OTOG: variants seen among roughly 807,000 people sequenced by gnomAD.
OTOG encodes otogelin.
A neutral mutation model predicts 313.8 loss-of-function variants in OTOG; 296 were observed. That is an observed-to-expected ratio of 0.94 (90% CI 0.86 to 1.04). The LOEUF (loss-of-function observed/expected upper bound fraction) is 1.04, where lower values mean the gene tolerates loss of function less well. OTOG is among the 50% of genes least tolerant of loss of function. The pLI is 0.00. For missense variants in OTOG, 3,948 were observed against 3,840.1 expected, an observed-to-expected ratio of 1.03 and a Z score of -0.74; for synonymous variants, 1,533 against 1,554.9, an observed-to-expected ratio of 0.99 and a Z score of 0.33.
chr11:17,548,191 G>GGCTACAGTC lies in OTOG; in HGVS notation c.197_205dup (p.Ala66_Val68dup), dbSNP rs1263880306. On this transcript the variant is annotated inframe_insertion, in exon 3 of 56. Transcript: ENST00000399397. The stretch of plus-strand genomic sequence containing the variant: ...AGGCGACCCTTGCCATGGGGGACAA[G>GGCTACAGTC]GCTACAGTCGTGGGAGGCCAGGTAA... 6.5e-7 allele frequency: 1 copy of GGCTACAGTC among 1,548,396 alleles called. No homozygotes were observed.
At position 17,641,938 on chromosome 11, in the gene OTOG, C is replaced by G. The variant is rs945439921; in HGVS notation, c.8282C>G (p.Thr2761Ser). Residue 2761 changes from threonine to serine, a missense_variant, in exon 52 of 56, where the codon ACC becomes AGC. Thr to Ser is a moderately conservative substitution (Grantham distance 58). Coordinates refer to ENST00000399397, the MANE Select transcript of OTOG (RefSeq NM_001292063.2). ...CTCTTCACCTTCCCCAATGGCACCA[C>G]CTCCCTGTTCTTGGTAAGCAGCCCC... ...SCLFTFPNGT[T>S]SLFLPGASWI... The G allele has an allele frequency of 3.2e-6, 5 of 1,550,188 alleles. No individual in the cohort carries two copies. Among genetic ancestry groups the G allele is most frequent in the Admixed American group, 2.0e-5 (1 of 50,966 alleles).
rs1424850080 is a variant in OTOG at position 17,612,324 on chromosome 11, T to G, written c.6286T>G (p.Cys2096Gly). 5 of 1,532,748 alleles carry G rather than the reference T, an allele frequency of 3.3e-6. No homozygotes were observed. The highest frequency in any genetic ancestry group is 4.4e-6 in the Non-Finnish European group (5 of 1,143,540). 94.9% of individuals were successfully genotyped at this position (1,532,748 alleles called of 1,614,324 possible). Reference protein sequence around the residue: ...GGDRCCPLWECACRCSIFPDL... With the variant: ...GGDRCCPLWEGACRCSIFPDL... ...GGACCGCTGCTGCCCACTCTGGGAG[T>G]GTGCCTGTGAGTCATGGGATCAGCG... The change falls in exon 37 of 56, where the codon TGT (cysteine) becomes GGT (glycine). Residue 2096 changes from cysteine (C) to glycine (G), a missense_variant. Coordinates refer to ENST00000399397, the MANE Select transcript of OTOG (RefSeq NM_001292063.2).
Position 17,613,618 on chromosome 11 carries a change from C to A in OTOG, c.6445C>A (p.Leu2149Met). 1 of 1,550,626 alleles carries A rather than the reference C, an allele frequency of 6.4e-7. No individual in the cohort carries two copies. The highest frequency in any genetic ancestry group is 1.4e-5 in the African/African-American group (1 of 73,122). Residue 2149 changes from leucine to methionine, a missense_variant, in exon 39 of 56, where the codon CTG becomes ATG. Physicochemically the swap from Leu to Met is conservative, Grantham distance 15. Transcript: ENST00000399397. ...LDCKSANLGH[L>M]NWPPFCLVML... The stretch of plus-strand genomic sequence containing the variant: ...GGCTGGGTTCTCTCTGCAGGGGCAC[C>A]TGAACTGGCCCCCGTTCTGTCTGGT...
At position 17,561,777 on chromosome 11, in the gene OTOG, C is replaced by G. The variant is rs538252687; in HGVS notation, c.1614C>G (p.Thr538=). Residue 538 remains threonine, a synonymous_variant, in exon 15 of 56, where the codon ACC becomes ACG. Transcript: ENST00000399397. The part of the protein sequence containing the change: ...LAKSRSSGTF[T]VTLQNAPCGL... The stretch of plus-strand genomic sequence containing the variant: ...AGAGCCGCTCTTCGGGCACCTTCAC[C>G]GTGACATTGCAGAATGCCCCATGTG... 6.4e-7 allele frequency: 1 copy of G among 1,550,506 alleles called. No homozygotes were observed. The highest frequency in any genetic ancestry group is 8.7e-7 in the Non-Finnish European group (1 of 1,146,968).
intron 54 of OTOG, among the ~76,000 whole-genome samples, 163 bp downstream of exon 54, chr11:17,643,669 ACTGACGCAAATATGCAGATGG>A (rs1483976411): frequency 6.6e-6 from 1 of 152,234 alleles, no homozygotes. Context: ...GGCTCACGGC[ACTGACGCAAATATGCAGATGG>A]CTGGAGGCCA....
At chr11:17,618,218 C>A (rs1853773538) in intron 39 of OTOG, among the ~76,000 whole-genome samples, 1 of 152,128 alleles carries the variant, frequency 6.6e-6, no homozygotes, top group Non-Finnish European at 1.5e-5. Flanking sequence ...CTAATATAAG[C>A]ATTTAGTGCT....
At position 17,611,108 on chromosome 11, in the gene OTOG, T is replaced by TGCTACGAGCCACCCTCTCACGCCC. The variant is rs1203419242; in HGVS notation, c.5809_5832dup (p.Ala1937_Pro1944dup). 1.8e-5 allele frequency: 28 copies of TGCTACGAGCCACCCTCTCACGCCC among 1,550,412 alleles called. No homozygotes were observed. Among genetic ancestry groups the TGCTACGAGCCACCCTCTCACGCCC allele is most frequent in the South Asian group, 4.8e-5 (4 of 84,060 alleles). On this transcript the variant is annotated inframe_insertion, in exon 36 of 56. Transcript: ENST00000399397. ...AGGGTGGGCCCACAGAGCTCACGCC[T>TGCTACGAGCCACCCTCTCACGCCC]GCTACGAGCCACCCTCTCACGCCCT...
At position 17,635,197 on chromosome 11, in the gene OTOG, C is replaced by T. The variant is rs566614986; in HGVS notation, c.7693+10C>T. On this transcript the variant is annotated intron_variant, in intron 46 of 55. Transcript: ENST00000399397. ...ACCTCCTACTTCTGCGGTGGGTCGCCGCCACCAGACGCCAGCGCACACAGC... is the reference window on the plus strand; with the variant it reads ...ACCTCCTACTTCTGCGGTGGGTCGCTGCCACCAGACGCCAGCGCACACAGC... 8.5e-6 allele frequency: 13 copies of T among 1,530,798 alleles called. No homozygotes were observed. The highest frequency in any genetic ancestry group is 5.5e-5 in the African/African-American group (4 of 72,766). The allele number at this position is 1,530,798 out of a possible 1,614,324, so 94.8% of individuals were successfully genotyped here.
chr11:17,613,261 T>TTCTTTCTTTCTTTCTC (rs1554975584), intron 38 of OTOG, among the ~76,000 whole-genome samples: 11 of 135,078 alleles, frequency 8.1e-5, no homozygotes, highest in African/African-American at 3.4e-4. Context: ...CTTTCTTTCT[T>TTCTTTCTTTCTTTCTC]TCTTTCTCTC....
intron 15 of OTOG, among the ~76,000 whole-genome samples, chr11:17,563,508 C>T (rs1161514461): frequency 1.3e-5 from 2 of 152,180 alleles, no homozygotes; most frequent in African/African-American, 4.8e-5. Flanking sequence ...ATGGCCCAGC[C>T]CTGGCTTGGC....
intron 19 of OTOG, among the ~76,000 whole-genome samples, chr11:17,573,823 C>T (rs1459781581): frequency 6.6e-6 from 1 of 152,206 alleles, no homozygotes; most frequent in Admixed American, 6.5e-5. Flanking sequence ...ATGAAAAAGG[C>T]ACTGTACTGG....
At position 17,548,192 on chromosome 11, in the gene OTOG, G is replaced by T. The variant is rs1488057673; in HGVS notation, c.196G>T (p.Ala66Ser). The T allele has an allele frequency of 6.5e-7, 1 of 1,548,232 alleles. No individual in the cohort carries two copies. ...QEATLAMGDK[A>S]TVVGGQQAEA... The stretch of plus-strand genomic sequence containing the variant: ...GGCGACCCTTGCCATGGGGGACAAG[G>T]CTACAGTCGTGGGAGGCCAGGTAAG... The change falls in exon 3 of 56, where the codon GCT becomes TCT. Residue 66 changes from alanine to serine, a missense_variant. By Grantham distance (99) the Ala-to-Ser change is moderately conservative (BLOSUM62 1). Transcript: ENST00000399397.
chr11:17,593,621 C>T lies in OTOG; in HGVS notation c.3153C>T (p.Ser1051=). ...CTCTGTCCCTCTAGAGTCCAGAGAG[C>T]TTCCTGGATGACAAGCAGGAGGTCC... ...DDDSGNPSPE[S]FLDDKQEVHT... The change falls in exon 27 of 56, where the codon AGC becomes AGT. Residue 1051 remains serine, a synonymous_variant. Transcript: ENST00000399397. The T allele has an allele frequency of 1.3e-6, 2 of 1,548,952 alleles. No homozygotes were observed. The highest frequency in any genetic ancestry group is 2.1e-4 in the Middle Eastern group (1 of 4,688).
chr11:17,555,986 G>A, intron 7 of OTOG, 89 bp downstream of exon 7: 2 of 1,059,492 alleles, frequency 1.9e-6, no homozygotes, highest in Middle Eastern at 2.0e-4. Flanking sequence ...CAAGCCCAAA[G>A]GAAATTGTTT....
intron 47 of OTOG, 147 bp downstream of exon 47, chr11:17,635,858 G>T: frequency 2.9e-6 from 2 of 678,640 alleles, no homozygotes; most frequent in Non-Finnish European, 5.2e-6. Flanking sequence ...AATCCAGGAC[G>T]AGTGCAGGCC....
chr11:17,613,494 C>T, intron 38 of OTOG, 118 bp from the exon 39 acceptor site: 1 of 832,206 alleles, frequency 1.2e-6, no homozygotes, highest in Non-Finnish European at 2.0e-6. Context: ...GATGGGAGCC[C>T]CTGGCATAGT....
chr11:17,579,845 C>G (rs182928970), intron 23 of OTOG, among the ~76,000 whole-genome samples: 10 of 152,234 alleles, frequency 6.6e-5, no homozygotes, highest in Admixed American at 5.9e-4. Context: ...GGACTGGAGA[C>G]CGGGAGACCG....
chr11:17,611,117 C>A lies in OTOG; in HGVS notation c.5817C>A (p.Ser1939Arg). ...GGPTELTPAT[S>R]HPLTPLVAEP... ...CCACAGAGCTCACGCCTGCTACGAGCCACCCTCTCACGCCCTTGGTGGCTG... is the reference window on the plus strand; with the variant it reads ...CCACAGAGCTCACGCCTGCTACGAGACACCCTCTCACGCCCTTGGTGGCTG... The change falls in exon 36 of 56, where the codon AGC becomes AGA. Residue 1939 changes from serine (S) to arginine (R), a missense_variant. By Grantham distance (110) the Ser-to-Arg change is moderately radical. Transcript: ENST00000399397. The A allele has an allele frequency of 1.3e-6, 2 of 1,550,552 alleles. No homozygotes were observed. Among genetic ancestry groups the A allele is most frequent in the Non-Finnish European group, 1.7e-6 (2 of 1,146,954 alleles).
chr11:17,627,656 G>T (rs910320568), intron 39 of OTOG, among the ~76,000 whole-genome samples: 1 of 151,190 alleles, frequency 6.6e-6, no homozygotes, highest in Admixed American at 6.6e-5. Flanking sequence ...AGTAGGATTG[G>T]TATTAACTCT....
Sources: allele counts gnomAD v4.1 joint callset (sites outside exome capture counted in the v4.1 genomes callset), GRCh38; gene constraint gnomAD v4.1.1; transcripts MANE v1.5; gene names NCBI Gene and HGNC (gene_info 2026-07-23, HGNC 2026-07-21).